Variants in LRRFIP2 observed in about 807,000 individuals in gnomAD.
The protein encoded by LRRFIP2 is LRR binding FLII interacting protein 2.
Under a neutral mutation model 125.9 loss-of-function variants are expected in LRRFIP2, and 109 were observed. The ratio of observed to expected loss-of-function variants is 0.87; its 90% CI spans 0.74 to 1.01. The LOEUF (loss-of-function observed/expected upper bound fraction) is 1.01, where lower values mean the gene tolerates loss of function less well. Among genes scored for constraint, LRRFIP2 ranks in the 50% least tolerant of loss-of-function variants. The pLI is 0.00. For missense variants in LRRFIP2, 850 were observed against 862.3 expected, an observed-to-expected ratio of 0.99 and a Z score of 0.18; for synonymous variants, 291 against 293.1, an observed-to-expected ratio of 0.99 and a Z score of 0.07.
chr3:37,160,760 C>G (rs558939623), intron 1 of LRRFIP2, among the ~76,000 whole-genome samples: 2 of 148,762 alleles, frequency 1.3e-5, no homozygotes, highest in African/African-American at 2.5e-5. Context: ...GCCTGGGCAA[C>G]AGGAGTGAAA....
At chr3:37,089,562 C>T (rs1156820571) in intron 18 of LRRFIP2, among the ~76,000 whole-genome samples, 1 of 151,974 alleles carries the variant, frequency 6.6e-6, no homozygotes, top group African/African-American at 2.4e-5. Context: ...CAAGGATAAA[C>T]GTAATCTGAA....
At chr3:37,119,142 C>T (rs2094916737) in intron 6 of LRRFIP2, among the ~76,000 whole-genome samples, 1 of 152,090 alleles carries the variant, frequency 6.6e-6, no homozygotes, top group Non-Finnish European at 1.5e-5. Flanking sequence ...GAGTAATGTA[C>T]TAGAATCTCC....
intron 15 of LRRFIP2, among the ~76,000 whole-genome samples, chr3:37,099,577 C>T (rs945736250): frequency 7.9e-5 from 12 of 152,148 alleles, no homozygotes; most frequent in Admixed American, 7.2e-4. Flanking sequence ...ATTTCCACAA[C>T]CACAGAAGGG....
intron 11 of LRRFIP2, 132 bp downstream of exon 11, chr3:37,109,395 C>T (rs1478809788): frequency 7.5e-6 from 7 of 928,506 alleles, no homozygotes; most frequent in Non-Finnish European, 1.2e-5. Context: ...ACAGGCAGCA[C>T]ATTCTGCAGT....
chr3:37,073,934 T>C (rs1235999820), intron 20 of LRRFIP2, among the ~76,000 whole-genome samples: 2 of 152,152 alleles, frequency 1.3e-5, no homozygotes, highest in African/African-American at 2.4e-5. Flanking sequence ...GGATACAGAT[T>C]CTGGAAAATA....
Position 37,129,088 on chromosome 3 carries a change from C to T in LRRFIP2, c.152G>A (p.Arg51Lys), listed in dbSNP as rs780397180. The T allele has an allele frequency of 4.3e-6, 7 of 1,614,138 alleles. No individual in the cohort carries two copies. In the South Asian group the frequency reaches 7.7e-5, roughly 18 times the overall value. Residue 51 changes from arginine (R) to lysine (K), a missense_variant, in exon 3 of 28, where the codon AGA (arginine) becomes AAA (lysine). Arg to Lys is a conservative substitution (Grantham distance 26). Coordinates refer to ENST00000336686, the MANE Select transcript of LRRFIP2 (RefSeq NM_006309.4). ...CTCTTTTTGTTGTCGTTCCAGTTCT[C>T]TCATGCGTATATCTCTTGCTTCTGC... ...ARAEARDIRM[R>K]ELERQQKEYS...
chr3:37,162,526 T>C (rs2096375860), intron 1 of LRRFIP2, among the ~76,000 whole-genome samples: 1 of 152,200 alleles, frequency 6.6e-6, no homozygotes, highest in Non-Finnish European at 1.5e-5. Flanking sequence ...TTTTCATACT[T>C]GATTATTAAA....
intron 8 of LRRFIP2, among the ~76,000 whole-genome samples, chr3:37,112,425 C>T (rs1207197874): frequency 6.6e-6 from 1 of 151,590 alleles, no homozygotes; most frequent in Non-Finnish European, 1.5e-5. Flanking sequence ...TATATTAATT[C>T]TGCAGTTTAA....
At chr3:37,134,753 T>C (rs1364214351) in intron 2 of LRRFIP2, 11 of 785,564 alleles carry the variant, frequency 1.4e-5, no homozygotes, top group East Asian at 5.6e-5. Flanking sequence ...GTATGTTTCA[T>C]TGGCAAGCCA....
chr3:37,143,543 T>A (rs1187593780), intron 2 of LRRFIP2: 6 of 246,568 alleles, frequency 2.4e-5, no homozygotes, highest in Non-Finnish European at 4.3e-5. Flanking sequence ...ATTCAAGAAG[T>A]CCTCCTTGTC....
chr3:37,091,443 G>A, intron 18 of LRRFIP2, 24 bp downstream of exon 18: 1 of 1,590,040 alleles, frequency 6.3e-7, no homozygotes, highest in East Asian at 2.2e-5. Flanking sequence ...GAGCATGCTT[G>A]GGCTGCAGAA....
At chr3:37,158,364 T>A (rs951773743) in intron 1 of LRRFIP2, among the ~76,000 whole-genome samples, 2 of 152,122 alleles carry the variant, frequency 1.3e-5, no homozygotes, top group African/African-American at 4.8e-5. Context: ...CCCAGCACTT[T>A]GGGAGGTCAA....
intron 2 of LRRFIP2, among the ~76,000 whole-genome samples, chr3:37,148,627 A>G (rs1303794394): frequency 2.0e-5 from 3 of 152,250 alleles, no homozygotes; most frequent in Non-Finnish European, 4.4e-5. Context: ...CCAAAGACCA[A>G]TGCAGTCTGT....
chr3:37,077,450 A>G (rs1447057638), intron 19 of LRRFIP2, among the ~76,000 whole-genome samples: 9 of 152,204 alleles, frequency 5.9e-5, no homozygotes, highest in Non-Finnish European at 1.3e-4. Context: ...TTTTCTAAGA[A>G]GAGTAAGAAA....
intron 1 of LRRFIP2, among the ~76,000 whole-genome samples, chr3:37,158,934 C>T (rs757299806): frequency 3.3e-5 from 5 of 152,066 alleles, no homozygotes; most frequent in Non-Finnish European, 5.9e-5. Context: ...AAAGAGAATA[C>T]TGGGAAAATA....
intron 25 of LRRFIP2, among the ~76,000 whole-genome samples, chr3:37,055,606 A>C (rs961431136): frequency 2.0e-5 from 3 of 152,118 alleles, no homozygotes; most frequent in Non-Finnish European, 4.4e-5. Context: ...CACACACAAC[A>C]ACCACAGCAT....
At chr3:37,104,681 T>C (rs1452097154) in intron 14 of LRRFIP2, among the ~76,000 whole-genome samples, 3 of 152,208 alleles carry the variant, frequency 2.0e-5, no homozygotes, top group Non-Finnish European at 2.9e-5. Flanking sequence ...AAAAATGTCA[T>C]CAGTTTTCTG....
chr3:37,126,803 G>A (rs2095291432), intron 4 of LRRFIP2, among the ~76,000 whole-genome samples: 1 of 151,318 alleles, frequency 6.6e-6, no homozygotes, highest in Non-Finnish European at 1.5e-5. Context: ...AGGTTGCAGT[G>A]AGCTGAGATT....
intron 2 of LRRFIP2, among the ~76,000 whole-genome samples, chr3:37,139,030 G>A (rs2095627102): frequency 1.3e-5 from 2 of 152,204 alleles, no homozygotes; most frequent in Non-Finnish European, 2.9e-5. Context: ...CGGCTCCTGT[G>A]AGACTATCTA....
Sources: allele counts gnomAD v4.1 joint callset (sites outside exome capture counted in the v4.1 genomes callset), GRCh38; gene constraint gnomAD v4.1.1; transcripts MANE v1.5; gene names NCBI Gene and HGNC (gene_info 2026-07-23, HGNC 2026-07-21).